The following USH2A variants were observed in gnomAD, a reference collection of about 807,000 sequenced individuals.
USH2A encodes Usher syndrome 2A (autosomal recessive, mild).
A neutral mutation model predicts 538.9 loss-of-function variants in USH2A; 443 were observed. The ratio of observed to expected loss-of-function variants is 0.82; its 90% CI spans 0.76 to 0.89. USH2A has a LOEUF of 0.89. USH2A is among the 40% of genes least tolerant of loss of function. The pLI, the probability that USH2A is intolerant of heterozygous loss-of-function variation, is 0.00. For missense variants in USH2A, 6,633 were observed against 6,324.8 expected (o/e 1.05, Z -1.65); for synonymous variants, 2,413 against 2,273.5 (o/e 1.06, Z -1.75).
chr1:216,156,592 CT>C (rs1558289006), intron 21 of USH2A, among the ~76,000 whole-genome samples: 1 of 152,134 alleles, frequency 6.6e-6, no homozygotes, highest in South Asian at 2.1e-4. Flanking sequence ...CAGAGGGCTT[CT>C]TTTTGCTTCC....
At chr1:216,050,698 G>T (rs973134503) in intron 30 of USH2A, among the ~76,000 whole-genome samples, 1 of 147,414 alleles carries the variant, frequency 6.8e-6, no homozygotes, top group Admixed American at 6.9e-5. Flanking sequence ...TCTGCCTCCC[G>T]GGTTGGAGCC....
At chr1:216,195,049 C>G (rs2034808084) in intron 19 of USH2A, among the ~76,000 whole-genome samples, 1 of 152,204 alleles carries the variant, frequency 6.6e-6, no homozygotes, top group Non-Finnish European at 1.5e-5. Flanking sequence ...AAACTATATA[C>G]CATTTGCTAA....
At chr1:216,140,145 A>G (rs1158599575) in intron 21 of USH2A, among the ~76,000 whole-genome samples, 1 of 152,162 alleles carries the variant, frequency 6.6e-6, no homozygotes, top group Non-Finnish European at 1.5e-5. Context: ...GTACTTTTAT[A>G]ATATTTTTTA....
intron 30 of USH2A, among the ~76,000 whole-genome samples, chr1:216,050,487 C>T (rs1271906141): frequency 6.6e-6 from 1 of 151,734 alleles, no homozygotes; most frequent in Non-Finnish European, 1.5e-5. Flanking sequence ...TAGTGCAGAG[C>T]TATGCCATTC....
At chr1:216,150,082 A>C (rs2033802986) in intron 21 of USH2A, among the ~76,000 whole-genome samples, 1 of 152,170 alleles carries the variant, frequency 6.6e-6, no homozygotes, top group Non-Finnish European at 1.5e-5. Context: ...GGCTTTACGA[A>C]GTCACCCCAC....
At chr1:215,646,242 C>T (rs1272597534) in intron 67 of USH2A, among the ~76,000 whole-genome samples, 1 of 152,084 alleles carries the variant, frequency 6.6e-6, no homozygotes, top group Non-Finnish European at 1.5e-5. Context: ...GAGTCTTGGA[C>T]TTAGCCTGAT....
At chr1:216,173,646 T>C (rs2034315067) in intron 21 of USH2A, among the ~76,000 whole-genome samples, 1 of 152,128 alleles carries the variant, frequency 6.6e-6, no homozygotes, top group Non-Finnish European at 1.5e-5. Flanking sequence ...CCTCAGAGTA[T>C]AAGGCCAGCA....
At chr1:216,292,726 C>T (rs2037026633) in intron 9 of USH2A, among the ~76,000 whole-genome samples, 1 of 152,098 alleles carries the variant, frequency 6.6e-6, no homozygotes, top group East Asian at 1.9e-4. Context: ...CATCTATCCC[C>T]TCAAGTGTTT....
At chr1:215,806,663 C>T (rs1662510342) in intron 49 of USH2A, among the ~76,000 whole-genome samples, 1 of 151,572 alleles carries the variant, frequency 6.6e-6, no homozygotes, top group East Asian at 1.9e-4. Context: ...ACCCCATTAT[C>T]CCCTGTACCA....
chr1:216,283,821 C>G (rs999254304), intron 11 of USH2A, among the ~76,000 whole-genome samples: 1 of 152,028 alleles, frequency 6.6e-6, no homozygotes, highest in African/African-American at 2.4e-5. Flanking sequence ...TTAATGTTGT[C>G]CCCAGTCTTA....
intron 29 of USH2A, 51 bp from the exon 30 acceptor site, chr1:216,070,343 T>C (rs369586901): frequency 6.5e-7 from 1 of 1,537,384 alleles, no homozygotes; most frequent in Non-Finnish European, 9.0e-7. Flanking sequence ...CTGAGAAGAC[T>C]ATTGCTCCTA....
chr1:216,170,998 G>A (rs767054476), intron 21 of USH2A, among the ~76,000 whole-genome samples: 11 of 151,966 alleles, frequency 7.2e-5, no homozygotes, highest in Non-Finnish European at 1.3e-4. Flanking sequence ...ACAAGATCAC[G>A]AAACTATTTT....
intron 61 of USH2A, among the ~76,000 whole-genome samples, chr1:215,681,346 C>T (rs756440055): frequency 2.0e-5 from 3 of 151,854 alleles, no homozygotes; most frequent in Non-Finnish European, 4.4e-5. Context: ...CACACACACA[C>T]ACACACACAC....
chr1:215,666,926 C>T (rs1657621856), intron 64 of USH2A, among the ~76,000 whole-genome samples: 1 of 152,022 alleles, frequency 6.6e-6, no homozygotes, highest in Non-Finnish European at 1.5e-5. Context: ...CCCATCTCTA[C>T]TAAAAATACA....
At chr1:215,671,608 C>T (rs1461727244) in intron 63 of USH2A, among the ~76,000 whole-genome samples, 3 of 152,038 alleles carry the variant, frequency 2.0e-5, no homozygotes, top group Non-Finnish European at 2.9e-5. Context: ...CTGATCTGTT[C>T]GAAAGGGGTG....
chr1:216,388,874 C>A (rs2039052183), intron 3 of USH2A, among the ~76,000 whole-genome samples: 1 of 152,088 alleles, frequency 6.6e-6, no homozygotes, highest in African/African-American at 2.4e-5. Flanking sequence ...TCTTTCCTTG[C>A]CTCTCAATAG....
chr1:215,794,550 CAG>C (rs760771932), intron 50 of USH2A, among the ~76,000 whole-genome samples: 4 of 152,104 alleles, frequency 2.6e-5, no homozygotes, highest in Non-Finnish European at 5.9e-5. Context: ...TGAACGGCAG[CAG>C]AGAGAGGAAA....
At chr1:215,712,297 C>G (rs981778011) in intron 61 of USH2A, among the ~76,000 whole-genome samples, 2 of 152,128 alleles carry the variant, frequency 1.3e-5, no homozygotes, top group African/African-American at 2.4e-5. Flanking sequence ...TAGCATAGGT[C>G]CTGGTATAAA....
At chr1:215,680,879 C>A (rs1169238217) in intron 61 of USH2A, among the ~76,000 whole-genome samples, 1 of 152,044 alleles carries the variant, frequency 6.6e-6, no homozygotes, top group African/African-American at 2.4e-5. Flanking sequence ...ATTCTCTTGG[C>A]ATGTATATAT....
Sources: gnomAD v4.1 joint callset for allele counts (sites outside exome capture counted in the v4.1 genomes callset) on GRCh38, gnomAD v4.1.1 for gene constraint, MANE v1.5 for transcripts, NCBI Gene and HGNC (gene_info 2026-07-23, HGNC 2026-07-21) for gene names.